FMN1: variants seen among roughly 807,000 people sequenced by gnomAD.
FMN1 encodes the protein formin-1.
FMN1 carries 110 observed loss-of-function variants against 132.4 expected under a neutral mutation model. The ratio of observed to expected loss-of-function variants is 0.83; its 90% confidence interval spans 0.71 to 0.97. FMN1 has a LOEUF of 0.97. Among genes scored for constraint, FMN1 ranks in the 50% least tolerant of loss-of-function variants. The probability of loss-of-function intolerance (pLI) is 0.00; values close to 1 mark genes in which losing one functional copy is unlikely to be tolerated. For synonymous variants in FMN1, 722 were observed against 651.7 expected, an observed-to-expected ratio of 1.11 and a Z score of -1.64; for missense variants, 1,792 against 1,705.3, an observed-to-expected ratio of 1.05 and a Z score of -0.90.
At chr15:33,121,335 G>A (rs956276195) in intron 4 of FMN1, among the ~76,000 whole-genome samples, 1 of 152,152 alleles carries the variant, frequency 6.6e-6, no homozygotes, top group Non-Finnish European at 1.5e-5. Flanking sequence ...ACCACATGGC[G>A]GATTCAGGGT....
At chr15:33,156,590 G>T (rs757283390) in intron 3 of FMN1, among the ~76,000 whole-genome samples, 3 of 151,750 alleles carry the variant, frequency 2.0e-5, no homozygotes, top group East Asian at 3.9e-4. Context: ...GCTCCCGGCC[G>T]TATTTTTAAA....
intron 17 of FMN1, among the ~76,000 whole-genome samples, chr15:32,839,662 G>T (rs1195999506): frequency 6.6e-6 from 1 of 151,736 alleles, no homozygotes; most frequent in Non-Finnish European, 1.5e-5. Context: ...ACAGACTGTG[G>T]AAATCAATAA....
At chr15:32,955,579 G>C (rs1192519250) in intron 9 of FMN1, among the ~76,000 whole-genome samples, 1 of 152,104 alleles carries the variant, frequency 6.6e-6, no homozygotes, top group Non-Finnish European at 1.5e-5. Flanking sequence ...AAAATGGCCT[G>C]GATTGAGGAT....
chr15:33,084,789 G>A (rs2038625156), intron 5 of FMN1, among the ~76,000 whole-genome samples: 1 of 152,132 alleles, frequency 6.6e-6, no homozygotes, highest in Non-Finnish European at 1.5e-5. Context: ...GCTAAATGAG[G>A]GGACTTAGTA....
chr15:32,966,264 C>T (rs141732013), intron 8 of FMN1, among the ~76,000 whole-genome samples: 3 of 151,782 alleles, frequency 2.0e-5, no homozygotes, highest in East Asian at 3.9e-4. Context: ...GGGAGTCAAC[C>T]GTGATCAGTT....
At chr15:33,109,510 T>TA (rs1241560122) in intron 4 of FMN1, among the ~76,000 whole-genome samples, 6 of 152,008 alleles carry the variant, frequency 3.9e-5, no homozygotes, top group Non-Finnish European at 8.8e-5. Flanking sequence ...TACACAGCCA[T>TA]AAAAAAGAAT....
chr15:32,986,179 AG>A (rs1174425296), intron 7 of FMN1, among the ~76,000 whole-genome samples: 1 of 152,158 alleles, frequency 6.6e-6, no homozygotes, highest in Non-Finnish European at 1.5e-5. Flanking sequence ...GGATCTATCC[AG>A]GAAGAGGCAG....
intron 2 of FMN1, among the ~76,000 whole-genome samples, chr15:33,181,112 G>A (rs997445706): frequency 3.0e-4 from 46 of 152,050 alleles, no homozygotes; most frequent in Admixed American, 1.8e-3. Context: ...GTGTGGTCAG[G>A]CCCCTGTTGA....
intron 7 of FMN1, among the ~76,000 whole-genome samples, chr15:32,998,741 G>C (rs772840945): frequency 6.6e-6 from 1 of 152,182 alleles, no homozygotes; most frequent in Non-Finnish European, 1.5e-5. Flanking sequence ...CACCTGTATT[G>C]ACTCATGTTC....
At chr15:32,912,753 C>T (rs1479662312) in intron 10 of FMN1, among the ~76,000 whole-genome samples, 2 of 151,640 alleles carry the variant, frequency 1.3e-5, no homozygotes, top group African/African-American at 4.9e-5. Flanking sequence ...AAAAAAAAAT[C>T]AAGGTGACTA....
Position 33,153,839 on chromosome 15 carries a change from G to T in FMN1, c.1076C>A (p.Ala359Glu). The T allele has an allele frequency of 6.5e-7, 1 of 1,536,576 alleles. No homozygotes were observed. Among genetic ancestry groups the T allele is most frequent in the Non-Finnish European group, 8.7e-7 (1 of 1,147,020 alleles). Residue 359 changes from alanine to glutamate, a missense_variant, in exon 4 of 21, where the codon GCA (alanine) becomes GAA (glutamate). Ala to Glu is a moderately radical substitution (Grantham distance 107). This residue lies in a region of FMN1 where 638 missense variants were observed against 645.2 expected (regional missense o/e 0.99). Coordinates refer to ENST00000616417, the MANE Select transcript of FMN1 (RefSeq NM_001277313.2). ...KGKETIAIRP[A>E]AHAEFVPKAD... is the part of the protein sequence containing the mutation. ...TTTGGGTACAAACTCAGCGTGGGCT[G>T]CTGGGCGAATGGCAATCGTCTCCTT...
chr15:32,972,392 T>C (rs2031865721), intron 7 of FMN1, among the ~76,000 whole-genome samples: 1 of 152,230 alleles, frequency 6.6e-6, no homozygotes, highest in Non-Finnish European at 1.5e-5. Context: ...AAAAAAGCAC[T>C]TGACCCATGC....
intron 4 of FMN1, among the ~76,000 whole-genome samples, chr15:33,128,678 C>T (rs555337369): frequency 2.0e-5 from 3 of 152,270 alleles, no homozygotes; most frequent in East Asian, 1.9e-4. Context: ...TTTGTAGTCT[C>T]ACTGACTTCA....
chr15:32,858,325 A>G (rs2059183459), intron 16 of FMN1, among the ~76,000 whole-genome samples: 1 of 152,276 alleles, frequency 6.6e-6, no homozygotes, highest in South Asian at 2.1e-4. Flanking sequence ...GAAATTAGTT[A>G]TCTGACACTT....
At chr15:33,013,076 C>A in intron 6 of FMN1, 1 of 408,416 alleles carries the variant, frequency 2.4e-6, no homozygotes. Context: ...TAATTACTGC[C>A]AGGAAACAAA....
chr15:32,951,877 T>C lies in FMN1; in HGVS notation c.3138+12230A>G, dbSNP rs143652786. 7.7e-3 allele frequency among the ~76,000 whole-genome samples: 1,175 copies of C among 152,268 alleles called. 10 individuals are homozygous for C. The highest frequency in any genetic ancestry group is 0.012 in the Non-Finnish European group (845 of 68,014). ...TGCCCTACCACACTACCACCTTCCA[T>C]ACTTAGTCTAGTGGTGACTCTCACC... is the stretch of plus-strand genomic sequence containing the variant. On this transcript the variant is annotated intron_variant, in intron 9 of 20. Coordinates refer to ENST00000616417, the MANE Select transcript of FMN1 (RefSeq NM_001277313.2).
chr15:33,025,851 G>C (rs2035640239), intron 6 of FMN1, among the ~76,000 whole-genome samples: 2 of 152,060 alleles, frequency 1.3e-5, no homozygotes, highest in Non-Finnish European at 2.9e-5. Flanking sequence ...TATCTTTCAA[G>C]AACTTTCAAC....
At chr15:32,979,380 C>A (rs907971330) in intron 7 of FMN1, among the ~76,000 whole-genome samples, 3 of 151,752 alleles carry the variant, frequency 2.0e-5, no homozygotes, top group African/African-American at 7.3e-5. Flanking sequence ...ATGGTGAAAC[C>A]CCGTCTCTAC....
intron 15 of FMN1, among the ~76,000 whole-genome samples, chr15:32,890,885 A>T (rs1486551464): frequency 6.6e-6 from 1 of 152,224 alleles, no homozygotes; most frequent in Non-Finnish European, 1.5e-5. Context: ...CTTAGATTTA[A>T]GTCCTTAATC....
Sources: gnomAD v4.1 joint callset for allele counts (sites outside exome capture counted in the v4.1 genomes callset) on GRCh38, gnomAD v4.1.1 for gene constraint, gnomAD v4.1.1 regional missense constraint, MANE v1.5 for transcripts, NCBI Gene and HGNC (gene_info 2026-07-23, HGNC 2026-07-21) for gene names.